Variants in CNTRL observed in about 807,000 individuals in gnomAD.
The protein encoded by CNTRL is 110 kDa centrosomal protein.
A neutral mutation model predicts 303.7 loss-of-function variants in CNTRL; 233 were observed. The observed-to-expected ratio is 0.77, with a 90% CI of 0.69 to 0.86. CNTRL has a LOEUF of 0.86. Ranked by LOEUF, CNTRL falls within the 40% of genes least tolerant of loss-of-function variation. The pLI, the probability that CNTRL is intolerant of heterozygous loss-of-function variation, is 0.00. For missense variants in CNTRL, 2,524 were observed against 2,650.6 expected (o/e 0.95, Z 1.05); for synonymous variants, 900 against 922.2 (o/e 0.98, Z 0.44).
chr9:121,098,297 A>G (rs1354553624), intron 6 of CNTRL, 89 bp from the exon 7 acceptor site: 10 of 983,576 alleles, frequency 1.0e-5, no homozygotes, highest in Middle Eastern at 4.6e-4. Context: ...ATTCCTTGCC[A>G]TGTTAAATTT....
intron 9 of CNTRL, among the ~76,000 whole-genome samples, chr9:121,113,254 A>G (rs957075322): frequency 1.3e-5 from 2 of 152,186 alleles, no homozygotes; most frequent in Non-Finnish European, 2.9e-5. Context: ...TTAATCAATC[A>G]GTCCAAACTT....
At chr9:121,114,549 T>C (rs895861770) in intron 10 of CNTRL, among the ~76,000 whole-genome samples, 7 of 152,186 alleles carry the variant, frequency 4.6e-5, no homozygotes, top group Admixed American at 1.3e-4. Context: ...TTATGCAGAC[T>C]AGCTTTAAAG....
At chr9:121,141,311 A>T in intron 17 of CNTRL, 70 bp from the exon 18 acceptor site, 1 of 1,221,580 alleles carries the variant, frequency 8.2e-7, no homozygotes, top group Non-Finnish European at 1.2e-6. Flanking sequence ...AGCTAAAGTT[A>T]ATAGCATGTT....
intron 23 of CNTRL, among the ~76,000 whole-genome samples, chr9:121,147,466 T>A (rs78175730): frequency 6.6e-6 from 1 of 152,088 alleles, no homozygotes; most frequent in East Asian, 1.9e-4. Context: ...TATGGTAGGG[T>A]GAGCTTTCGG....
chr9:121,112,134 T>G (rs959611990), intron 8 of CNTRL, among the ~76,000 whole-genome samples: 1 of 152,274 alleles, frequency 6.6e-6, no homozygotes, highest in Non-Finnish European at 1.5e-5. Context: ...CAGGTATTTA[T>G]TAGGCCAGTT....
chr9:121,161,206 G>C, intron 32 of CNTRL: 1 of 412,646 alleles, frequency 2.4e-6, no homozygotes, highest in Non-Finnish European at 4.5e-6. Flanking sequence ...AAATGCTATT[G>C]TAAAAGTGAT....
rs758726081 is a variant in CNTRL, at chr9:121,135,988, T to C, written c.2202+6T>C. The C allele has an allele frequency of 6.3e-6, 10 of 1,588,742 alleles. No homozygotes were observed. The South Asian group carries it at 1.1e-4, about 18-fold the overall frequency. On this transcript the variant is annotated splice_donor_region_variant and intron_variant, in intron 15 of 43. Transcript: ENST00000373855. ...AAGTAACAAGACTTACCCAGGTAAGTAGGAGCATGAAGCCAACTGCAAACT... is the reference window on the plus strand; with the variant it reads ...AAGTAACAAGACTTACCCAGGTAAGCAGGAGCATGAAGCCAACTGCAAACT...
In CNTRL at chr9:121,098,587, A is replaced by T. The variant is rs1257205003; in HGVS notation, c.808+15A>T. The T allele has an allele frequency of 2.6e-6, 4 of 1,512,522 alleles. No homozygotes were observed. The highest frequency in any genetic ancestry group is 3.6e-6 in the Non-Finnish European group (4 of 1,120,282). The allele number at this position is 1,512,522 out of a possible 1,614,324, so 93.7% of individuals were successfully genotyped here. On this transcript the variant is annotated intron_variant, in intron 7 of 43. Transcript: ENST00000373855. ...ATTCAGTTTAGGTAAGATTAAATTT[A>T]AAAAATAATAAATTTGGGTGAGGGA...
At chr9:121,153,358 A>T (rs935202843) in intron 26 of CNTRL, among the ~76,000 whole-genome samples, 2 of 152,108 alleles carry the variant, frequency 1.3e-5, no homozygotes, top group Admixed American at 1.3e-4. Flanking sequence ...GGTCTGGCTC[A>T]CTACTTTCCT....
chr9:121,079,370 T>C (rs1035029660), intron 1 of CNTRL, among the ~76,000 whole-genome samples: 18 of 152,252 alleles, frequency 1.2e-4, no homozygotes, highest in African/African-American at 4.3e-4. Flanking sequence ...GTTCACAGTT[T>C]GAAGTACAGG....
At chr9:121,078,511 C>A (rs988738614) in intron 1 of CNTRL, among the ~76,000 whole-genome samples, 6 of 152,232 alleles carry the variant, frequency 3.9e-5, no homozygotes, top group African/African-American at 1.4e-4. Flanking sequence ...ACACATTAAG[C>A]AAGCAGTTAG....
chr9:121,082,754 A>G (rs1487026595), intron 2 of CNTRL, among the ~76,000 whole-genome samples: 1 of 152,064 alleles, frequency 6.6e-6, no homozygotes, highest in Non-Finnish European at 1.5e-5. Context: ...CGTGGATCAC[A>G]AGGTCAGGAG....
At chr9:121,177,062 C>T (rs1447581336) in intron 43 of CNTRL, 101 bp from the exon 44 acceptor site, 2 of 937,982 alleles carry the variant, frequency 2.1e-6, no homozygotes, top group African/African-American at 3.3e-5. Flanking sequence ...AAGAGGTACT[C>T]AAATATGTCA....
intron 1 of CNTRL, among the ~76,000 whole-genome samples, chr9:121,077,952 GA>G (rs987557403): frequency 3.0e-4 from 46 of 150,852 alleles, no homozygotes; most frequent in Admixed American, 1.1e-3. Flanking sequence ...CCTCAGGGGG[GA>G]AAAAAACGCC....
intron 23 of CNTRL, among the ~76,000 whole-genome samples, chr9:121,147,048 G>T (rs1173189229): frequency 2.0e-5 from 3 of 152,184 alleles, no homozygotes; most frequent in Admixed American, 6.5e-5. Flanking sequence ...TGTCCCCCAG[G>T]CTGGAGTGCA....
chr9:121,092,092 T>C (rs1384662811), intron 4 of CNTRL, among the ~76,000 whole-genome samples: 2 of 146,734 alleles, frequency 1.4e-5, no homozygotes, highest in East Asian at 2.0e-4. Flanking sequence ...TAAATATAAA[T>C]ATATACATAT....
In CNTRL at chr9:121,154,740, G is replaced by C. The variant is rs530630560; in HGVS notation, c.4192G>C (p.Val1398Leu). 1.9e-6 allele frequency: 3 copies of C among 1,603,722 alleles called. No homozygotes were observed. Among genetic ancestry groups the C allele is most frequent in the African/African-American group, 2.7e-5 (2 of 74,874 alleles). ...TTTTAGGGACTTCATTGATGGAAATGTTGAGAGTCTTATGACTGAACTAGA... is the reference window on the plus strand; with the variant it reads ...TTTTAGGGACTTCATTGATGGAAATCTTGAGAGTCTTATGACTGAACTAGA... The part of the protein sequence containing the change: ...QQQKDFIDGN[V>L]ESLMTELEIE... The change falls in exon 27 of 44, where the codon GTT (valine) becomes CTT (leucine). Residue 1398 changes from valine (V) to leucine (L), a missense_variant. Val to Leu is a conservative substitution (Grantham distance 32). Transcript: ENST00000373855.
At chr9:121,150,596 T>G (rs1286962230) in intron 25 of CNTRL, 113 bp downstream of exon 25, 1 of 995,006 alleles carries the variant, frequency 1.0e-6, no homozygotes, top group Non-Finnish European at 1.5e-6. Flanking sequence ...CAAAGTGTGT[T>G]TGTAAGGCTG....
At chr9:121,144,698 A>G (rs947397291) in intron 20 of CNTRL, 145 bp from the exon 21 acceptor site, 6 of 699,772 alleles carry the variant, frequency 8.6e-6, no homozygotes, top group Non-Finnish European at 1.5e-5. Context: ...GGAACAACAC[A>G]GGAGAAGGTG....
Sources: allele counts gnomAD v4.1 joint callset (sites outside exome capture counted in the v4.1 genomes callset), GRCh38; gene constraint gnomAD v4.1.1; transcripts MANE v1.5; gene names NCBI Gene and HGNC (gene_info 2026-07-23, HGNC 2026-07-21).